DAB1: variants seen among roughly 807,000 people sequenced by gnomAD.
DAB1 encodes DAB adaptor protein 1.
In DAB1, 15 loss-of-function variants were observed where a neutral mutation model predicts 64.6. That is an observed-to-expected ratio of 0.23 (90% CI 0.16 to 0.36). The LOEUF (loss-of-function observed/expected upper bound fraction) is 0.36, where lower values mean the gene tolerates loss of function less well. Ranked by LOEUF, DAB1 falls within the 10% of genes least tolerant of loss-of-function variation. The probability of loss-of-function intolerance (pLI) is 1.00; values close to 1 mark genes in which losing one functional copy is unlikely to be tolerated. For missense variants in DAB1, 596 were observed against 706.7 expected, an observed-to-expected ratio of 0.84 and a Z score of 1.78; for synonymous variants, 235 against 251.9, an observed-to-expected ratio of 0.93 and a Z score of 0.64.
At position 58,417,672 on chromosome 1, in the gene DAB1, T is replaced by C. The variant is rs1355662187; in HGVS notation, n.258-74269A>G. The stretch of plus-strand genomic sequence containing the variant: ...TTTCCACTTCCTATGTAACCATGAA[T>C]CAATTGAAGTGCTGCTGCTAGGTGG... On this transcript the variant is annotated intron_variant and non_coding_transcript_variant, in intron 3 of 20. Coordinates refer to the DAB1 transcript ENST00000485760. Among the ~76,000 whole-genome samples, 4 of 152,142 alleles carry C rather than the reference T, an allele frequency of 2.6e-5. No homozygotes were observed. In the East Asian group the frequency reaches 7.7e-4, roughly 29 times the overall value.
chr1:58,372,556 G>T (rs1644274617), intron 3 of DAB1, among the ~76,000 whole-genome samples: 1 of 152,166 alleles, frequency 6.6e-6, no homozygotes. Flanking sequence ...ATGATTGGTT[G>T]TGAAATATGA....
At chr1:58,348,265 T>C (rs1644020054) in intron 3 of DAB1, among the ~76,000 whole-genome samples, 1 of 152,158 alleles carries the variant, frequency 6.6e-6, no homozygotes, top group South Asian at 2.1e-4. Flanking sequence ...AGCTAAATAA[T>C]GTACTCAAGA....
rs556531025 is a variant in DAB1 at position 57,967,553 on chromosome 1, G to A, written n.388-83391C>T. On this transcript the variant is annotated intron_variant and non_coding_transcript_variant, in intron 5 of 20. Transcript: ENST00000485760. ...AGGCTTACTAGCACCCAAAGCCCTAGAGGGACAAGGTGTAGAGTTGGAAGA... is the reference window on the plus strand; with the variant it reads ...AGGCTTACTAGCACCCAAAGCCCTAAAGGGACAAGGTGTAGAGTTGGAAGA... Among the ~76,000 whole-genome samples, 81 of 152,278 alleles carry A rather than the reference G, an allele frequency of 5.3e-4. 1 individual carries two copies. The highest frequency in any genetic ancestry group is 1.0e-3 in the Non-Finnish European group (68 of 68,022).
rs571551968 is a variant in DAB1 at position 58,138,300 on chromosome 1, T to C, written n.387+12211A>G. Reference sequence around the variant, plus strand: ...GAACCAAGATTTTAACCCAGGACTCTTGGACTTCAAACTAACACTAGAATA... The same window carrying C: ...GAACCAAGATTTTAACCCAGGACTCCTGGACTTCAAACTAACACTAGAATA... On this transcript the variant is annotated intron_variant and non_coding_transcript_variant, in intron 5 of 20. Coordinates refer to the DAB1 transcript ENST00000485760. Among the ~76,000 whole-genome samples, 10 of 152,298 alleles carry C rather than the reference T, an allele frequency of 6.6e-5. No homozygotes were observed. The South Asian group carries it at 2.1e-3, about 32-fold the overall frequency.
chr1:57,702,970 A>G (rs1305648023), intron 6 of DAB1, among the ~76,000 whole-genome samples: 1 of 152,220 alleles, frequency 6.6e-6, no homozygotes, highest in Non-Finnish European at 1.5e-5. Context: ...TGGTGCTGGA[A>G]TAACTGGTTA....
intron 6 of DAB1, among the ~76,000 whole-genome samples, chr1:57,787,755 A>C (rs1450989887): frequency 6.6e-6 from 1 of 152,150 alleles, no homozygotes; most frequent in African/African-American, 2.4e-5. Context: ...GAAAATGTTT[A>C]TTTGCAAAAC....
intron 3 of DAB1, among the ~76,000 whole-genome samples, chr1:58,438,546 C>A (rs955570465): frequency 6.6e-6 from 1 of 152,162 alleles, no homozygotes; most frequent in Non-Finnish European, 1.5e-5. Flanking sequence ...TCCTCGACTC[C>A]GCCCCTGCCC....
At chr1:57,121,057 T>C (rs993149725) in intron 4 of DAB1, among the ~76,000 whole-genome samples, 1 of 149,800 alleles carries the variant, frequency 6.7e-6, no homozygotes, top group Non-Finnish European at 1.5e-5. Flanking sequence ...GGCAAAGAGA[T>C]AGTGGGTAGG....
At chr1:57,324,287 G>A (rs574187966) in intron 1 of DAB1, among the ~76,000 whole-genome samples, 2 of 152,194 alleles carry the variant, frequency 1.3e-5, no homozygotes, top group Non-Finnish European at 2.9e-5. Flanking sequence ...TCAATTTGCA[G>A]TTAATCGTTC....
chr1:57,629,160 C>T (rs187971431), intron 7 of DAB1, among the ~76,000 whole-genome samples: 3 of 152,322 alleles, frequency 2.0e-5, no homozygotes, highest in Admixed American at 6.5e-5. Context: ...TAGTTCTCTG[C>T]TCTGTATTGC....
chr1:57,031,205 A>G (rs959063373), intron 9 of DAB1, among the ~76,000 whole-genome samples: 1 of 152,216 alleles, frequency 6.6e-6, no homozygotes, highest in Non-Finnish European at 1.5e-5. Context: ...CCTTGAGTTA[A>G]TTAAATTTTA....
intron 3 of DAB1, among the ~76,000 whole-genome samples, chr1:58,390,092 C>A (rs1006279740): frequency 9.9e-5 from 15 of 152,030 alleles, no homozygotes; most frequent in African/African-American, 3.6e-4. Context: ...ATATTTTAGG[C>A]TGAGGGGAGG....
At chr1:57,374,720 C>T (rs1267065496) in intron 1 of DAB1, among the ~76,000 whole-genome samples, 1 of 152,180 alleles carries the variant, frequency 6.6e-6, no homozygotes, top group African/African-American at 2.4e-5. Flanking sequence ...CTGCACACTA[C>T]AATCATTTAG....
chr1:57,218,953 G>A (rs1430750798), intron 2 of DAB1, among the ~76,000 whole-genome samples: 1 of 152,098 alleles, frequency 6.6e-6, no homozygotes, highest in Non-Finnish European at 1.5e-5. Context: ...ATTATACAGG[G>A]GGAAGATAAA....
intron 3 of DAB1, among the ~76,000 whole-genome samples, chr1:58,457,859 C>T (rs947366059): frequency 5.3e-5 from 8 of 152,074 alleles, no homozygotes; most frequent in East Asian, 1.9e-4. Flanking sequence ...CTGTTGTTGA[C>T]GGGGAAAGGT....
At chr1:58,431,796 C>T (rs1486358564) in intron 3 of DAB1, among the ~76,000 whole-genome samples, 1 of 151,862 alleles carries the variant, frequency 6.6e-6, no homozygotes, top group Non-Finnish European at 1.5e-5. Flanking sequence ...GATCACCTGC[C>T]TGGTCTAAGC....
At chr1:57,607,362 C>T (rs1645669870) in intron 7 of DAB1, among the ~76,000 whole-genome samples, 1 of 152,180 alleles carries the variant, frequency 6.6e-6, no homozygotes, top group Admixed American at 6.5e-5. Context: ...TTTGTGCAAA[C>T]ATTAGTTTTC....
At chr1:57,932,834 T>C (rs914110400) in intron 5 of DAB1, among the ~76,000 whole-genome samples, 3 of 152,202 alleles carry the variant, frequency 2.0e-5, no homozygotes, top group Non-Finnish European at 2.9e-5. Flanking sequence ...TATCTTTATA[T>C]GTAAAATGGG....
intron 3 of DAB1, among the ~76,000 whole-genome samples, chr1:58,457,970 C>A (rs1645207638): frequency 6.6e-6 from 1 of 152,204 alleles, no homozygotes; most frequent in Admixed American, 6.5e-5. Flanking sequence ...CTCATTCATA[C>A]ATTAATTCAT....
Sources: allele counts gnomAD v4.1 joint callset (sites outside exome capture counted in the v4.1 genomes callset), GRCh38; gene constraint gnomAD v4.1.1; transcripts MANE v1.5; gene names NCBI Gene and HGNC (gene_info 2026-07-23, HGNC 2026-07-21).